The following MAML2 variants were observed in gnomAD, a reference collection of about 807,000 sequenced individuals.
MAML2 encodes mastermind-like protein 2.
Under a neutral mutation model 96.1 loss-of-function variants are expected in MAML2, and 22 were observed. That is an observed-to-expected ratio of 0.23 (90% CI 0.16 to 0.33). MAML2 has a LOEUF of 0.33. MAML2 is among the 10% of genes least tolerant of loss of function. The pLI, the probability that MAML2 is intolerant of heterozygous loss-of-function variation, is 1.00. For missense variants in MAML2, 1,367 were observed against 1,392.4 expected, an observed-to-expected ratio of 0.98 and a Z score of 0.29; for synonymous variants, 561 against 521.3, an observed-to-expected ratio of 1.08 and a Z score of -1.04.
chr11:96,018,329 T>C (rs1040086480), intron 2 of MAML2, among the ~76,000 whole-genome samples: 1 of 152,166 alleles, frequency 6.6e-6, no homozygotes, highest in African/African-American at 2.4e-5. Flanking sequence ...ACTTGATATA[T>C]GAGTCTGGAG....
intron 2 of MAML2, among the ~76,000 whole-genome samples, chr11:96,054,198 A>G (rs1453784792): frequency 6.6e-6 from 1 of 152,176 alleles, no homozygotes; most frequent in Non-Finnish European, 1.5e-5. Flanking sequence ...CTTTTCACAG[A>G]CTAACTTGTC....
At chr11:96,148,647 A>T (rs938496930) in intron 1 of MAML2, among the ~76,000 whole-genome samples, 1 of 141,576 alleles carries the variant, frequency 7.1e-6, no homozygotes, top group Admixed American at 7.3e-5. Flanking sequence ...AAAGTCTGAA[A>T]ATTCTGAAAA....
intron 2 of MAML2, among the ~76,000 whole-genome samples, chr11:96,048,475 A>G (rs780180901): frequency 2.2e-4 from 34 of 152,206 alleles, no homozygotes; most frequent in Non-Finnish European, 4.9e-4. Context: ...TTGCACTGTA[A>G]TTTAGGCAGA....
chr11:96,197,445 T>C (rs781244482), intron 1 of MAML2, among the ~76,000 whole-genome samples: 5 of 152,300 alleles, frequency 3.3e-5, no homozygotes, highest in Non-Finnish European at 4.4e-5. Context: ...GCAATCCAAG[T>C]AGCCAGAGAA....
chr11:96,311,302 A>C lies in MAML2; in HGVS notation c.513+30081T>G, dbSNP rs539809316. 4.5e-4 allele frequency among the ~76,000 whole-genome samples: 69 copies of C among 152,344 alleles called. No homozygotes were observed. The South Asian group carries it at 0.012, about 27-fold the overall frequency. ...GTGAAAGAGTAGGAAGAAATAGAAG[A>C]AGCTGGATAGTCACACTCACTTTAG... On this transcript the variant is annotated intron_variant, in intron 1 of 4. Coordinates refer to ENST00000524717, the MANE Select transcript of MAML2 (RefSeq NM_032427.4).
intron 2 of MAML2, among the ~76,000 whole-genome samples, chr11:95,996,357 G>A (rs1032413539): frequency 1.3e-5 from 2 of 152,144 alleles, no homozygotes; most frequent in African/African-American, 4.8e-5. Flanking sequence ...CTGCATGCCA[G>A]GAAAATGTAA....
chr11:95,995,539 G>A (rs1857976446), intron 2 of MAML2, among the ~76,000 whole-genome samples: 1 of 152,160 alleles, frequency 6.6e-6, no homozygotes, highest in Non-Finnish European at 1.5e-5. Context: ...ATGAATTTTA[G>A]AACAGTGCCA....
intron 1 of MAML2, among the ~76,000 whole-genome samples, chr11:96,245,938 C>T (rs1055312380): frequency 6.6e-6 from 1 of 152,006 alleles, no homozygotes; most frequent in African/African-American, 2.4e-5. Flanking sequence ...CTCCTGACCT[C>T]GTGATCTGCC....
chr11:96,298,149 A>G (rs1863328544), intron 1 of MAML2, among the ~76,000 whole-genome samples: 1 of 152,208 alleles, frequency 6.6e-6, no homozygotes, highest in Non-Finnish European at 1.5e-5. Flanking sequence ...GCATGACCAC[A>G]TTGAAAGCAG....
intron 1 of MAML2, among the ~76,000 whole-genome samples, chr11:96,320,141 A>C (rs1427313127): frequency 6.6e-6 from 1 of 152,268 alleles, no homozygotes; most frequent in Non-Finnish European, 1.5e-5. Flanking sequence ...TTTATGAGTT[A>C]GGATATATCT....
At chr11:96,176,718 C>T (rs544206247) in intron 1 of MAML2, among the ~76,000 whole-genome samples, 1 of 152,172 alleles carries the variant, frequency 6.6e-6, no homozygotes, top group East Asian at 1.9e-4. Context: ...ATCAAGGGCT[C>T]CTAATTAAGG....
At chr11:96,091,699 A>G (rs1859708561) in intron 2 of MAML2, among the ~76,000 whole-genome samples, 193 bp downstream of exon 2, 1 of 152,198 alleles carries the variant, frequency 6.6e-6, no homozygotes, top group African/African-American at 2.4e-5. Context: ...AATGCTCTAC[A>G]GGGAAGTACT....
At chr11:96,146,541 C>T (rs1398195404) in intron 1 of MAML2, among the ~76,000 whole-genome samples, 1 of 152,178 alleles carries the variant, frequency 6.6e-6, no homozygotes, top group East Asian at 1.9e-4. Flanking sequence ...ACATTTTTGA[C>T]CTTCAGCATC....
At chr11:96,020,402 T>C (rs1237370010) in intron 2 of MAML2, among the ~76,000 whole-genome samples, 1 of 152,230 alleles carries the variant, frequency 6.6e-6, no homozygotes, top group Non-Finnish European at 1.5e-5. Context: ...GGTCTCCTTT[T>C]TGGTATCAAA....
rs1390566339 is a variant in MAML2, at chr11:95,979,858, C to T, written c.2561G>A (p.Gly854Glu). 2 of 1,613,810 alleles carry T rather than the reference C, an allele frequency of 1.2e-6. No homozygotes were observed. The highest frequency in any genetic ancestry group is 8.5e-7 in the Non-Finnish European group (1 of 1,179,860). Reference protein sequence around the residue: ...PNSSLLSTSHGTRMPSLSTAV... With the variant: ...PNSSLLSTSHETRMPSLSTAV... ...TGTAGATAATGATGGCATTCTTGTC[C>T]CGTGAGAAGTAGACAGGAGGCTGGA... The change falls in exon 5 of 5, where the codon GGG becomes GAG. Residue 854 changes from glycine to glutamate, a missense_variant. Coordinates refer to ENST00000524717, the MANE Select transcript of MAML2 (RefSeq NM_032427.4).
At chr11:96,063,778 A>G (rs142327710) in intron 2 of MAML2, among the ~76,000 whole-genome samples, 100 of 152,344 alleles carry the variant, frequency 6.6e-4, no homozygotes, top group Admixed American at 1.4e-3. Flanking sequence ...AAAACAAAAA[A>G]GTGTAAAAAC....
intron 1 of MAML2, among the ~76,000 whole-genome samples, chr11:96,320,842 T>C (rs1298206233): frequency 6.6e-6 from 1 of 152,096 alleles, no homozygotes; most frequent in East Asian, 1.9e-4. Flanking sequence ...AGTATGGCAA[T>C]AAGAAAACAT....
chr11:96,319,598 G>T lies in MAML2; in HGVS notation c.513+21785C>A, dbSNP rs545929143. Among the ~76,000 whole-genome samples, 6 of 152,216 alleles carry T rather than the reference G, an allele frequency of 3.9e-5. No individual in the cohort carries two copies. In the South Asian group the frequency reaches 1.2e-3, roughly 32 times the overall value. ...AACACAAGATATATTTTTATGTCTTGCTATGGTCTCTTTTGCTTTGCTACT... is the reference window on the plus strand; with the variant it reads ...AACACAAGATATATTTTTATGTCTTTCTATGGTCTCTTTTGCTTTGCTACT... On this transcript the variant is annotated intron_variant, in intron 1 of 4. Transcript: ENST00000524717.
intron 1 of MAML2, among the ~76,000 whole-genome samples, chr11:96,123,799 C>CTTA (rs1860390633): frequency 6.6e-6 from 1 of 152,092 alleles, no homozygotes; most frequent in Non-Finnish European, 1.5e-5. Context: ...ACCCGGCCGG[C>CTTA]ATGGTGGCTC....
Sources: allele counts gnomAD v4.1 joint callset (sites outside exome capture counted in the v4.1 genomes callset), GRCh38; gene constraint gnomAD v4.1.1; transcripts MANE v1.5; gene names NCBI Gene and HGNC (gene_info 2026-07-23, HGNC 2026-07-21).